Variants in OR4D1 observed in about 807,000 individuals in gnomAD.
The protein encoded by OR4D1 is olfactory receptor family 4 subfamily D member 1, also known as olfactory receptor 4D1.
In OR4D1, 10 loss-of-function variants were observed where a neutral mutation model predicts 14.2. That is an observed-to-expected ratio of 0.71 (90% CI 0.44 to 1.20). OR4D1 has a LOEUF of 1.20. OR4D1 is among the 50% of genes most tolerant of loss of function. OR4D1 has a pLI of 0.00. For missense variants in OR4D1, 345 were observed against 376.6 expected (o/e 0.92, Z 0.70); for synonymous variants, 141 against 147.4 (o/e 0.96, Z 0.32).
Position 58,157,918 on chromosome 17 carries a change from A to T in OR4D1, c.*1832A>T, listed in dbSNP as rs1967799494. ...CTGTTCTGCAAACCCTGAGTGCACC[A>T]CCCTAAGCGGCTAGGCCGGCAGGGC... On this transcript the variant is annotated 3_prime_UTR_variant, in exon 4 of 4. Coordinates refer to ENST00000268912, the MANE Select transcript of OR4D1 (RefSeq NM_001386095.1). 9.6e-7 allele frequency: 1 copy of T among 1,037,948 alleles called. No individual in the cohort carries two copies. The highest frequency in any genetic ancestry group is 1.5e-6 in the Non-Finnish European group (1 of 683,058). The allele number at this position is 1,037,948 out of a possible 1,614,324, so 64.3% of individuals were successfully genotyped here. A position where few individuals can be genotyped will look rare whatever the true frequency, so the allele number is the denominator to read the frequency against.
Position 58,157,100 on chromosome 17 carries a change from C to T in OR4D1, c.*1014C>T, listed in dbSNP as rs1354284615. The T allele has an allele frequency of 2.7e-6, 4 of 1,462,598 alleles. No individual in the cohort carries two copies. The highest frequency in any genetic ancestry group is 1.4e-5 in the African/African-American group (1 of 70,832). The allele number at this position is 1,462,598 out of a possible 1,614,324, so 90.6% of individuals were successfully genotyped here. ...CGGGGCCTGGGGACGCCGAGGCGGC[C>T]GCGGAGGAGCGCCGCGTCAAGGTCT... On this transcript the variant is annotated 3_prime_UTR_variant, in exon 4 of 4. Coordinates refer to ENST00000268912, the MANE Select transcript of OR4D1 (RefSeq NM_001386095.1).
Position 58,156,255 on chromosome 17 carries a change from T to G in OR4D1, c.*169T>G, listed in dbSNP as rs1285430615. 6.6e-6 allele frequency: 1 copy of G among 150,884 alleles called. No homozygotes were observed. The highest frequency in any genetic ancestry group is 1.4e-5 in the Non-Finnish European group (1 of 70,478). The allele number at this position is 150,884 out of a possible 1,614,324, so 9.3% of individuals were successfully genotyped here. A position where few individuals can be genotyped will look rare whatever the true frequency, so the allele number is the denominator to read the frequency against. On this transcript the variant is annotated 3_prime_UTR_variant, in exon 4 of 4. Transcript: ENST00000268912. ...GTTAAGCACTTCCACGCTTTTTTTC[T>G]TTTTTTTTTTTTTTAGATGGAGCCT... is the stretch of plus-strand genomic sequence containing the variant.
chr17:58,155,728 C>T lies in OR4D1; in HGVS notation c.575C>T (p.Thr192Ile). ...GTACTGAGACTTGCCTGCACTGATA[C>T]CTCCCTCCTGGAGTTCCTCATGATC... ...PQVLRLACTD[T>I]SLLEFLMISN... The change falls in exon 4 of 4, where the codon ACC (threonine) becomes ATC (isoleucine). Residue 192 changes from threonine to isoleucine, a missense_variant. By Grantham distance (89) the Thr-to-Ile change is moderately conservative. Coordinates refer to ENST00000268912, the MANE Select transcript of OR4D1 (RefSeq NM_001386095.1). The T allele has an allele frequency of 6.2e-7, 1 of 1,614,130 alleles. No homozygotes were observed. The highest frequency in any genetic ancestry group is 8.5e-7 in the Non-Finnish European group (1 of 1,179,990).
Position 58,157,052 on chromosome 17 carries a change from AGCGGTG to A in OR4D1, c.*972_*977del. On this transcript the variant is annotated 3_prime_UTR_variant, in exon 4 of 4. Coordinates refer to ENST00000268912, the MANE Select transcript of OR4D1 (RefSeq NM_001386095.1). ...TGTTTTCGTCCAATGAGAAGGGGCC[AGCGGTG>A]GCGGTCGGGCCAGGTCCGGGGCCTG... 2 of 1,232,098 alleles carry A rather than the reference AGCGGTG, an allele frequency of 1.6e-6. No individual in the cohort carries two copies. Among genetic ancestry groups the A allele is most frequent in the Non-Finnish European group, 2.3e-6 (2 of 882,812 alleles). The allele number at this position is 1,232,098 out of a possible 1,614,324, so 76.3% of individuals were successfully genotyped here. A position where few individuals can be genotyped will look rare whatever the true frequency, so the allele number is the denominator to read the frequency against.
rs1967814404 is a variant in OR4D1, at chr17:58,158,825, T to C, written c.*2739T>C. ...GATCCAGAAAGAAAAAAAATTATGC[T>C]TTCTCTGTGTGTGTACCTGCTGTAT... On this transcript the variant is annotated 3_prime_UTR_variant, in exon 4 of 4. Coordinates refer to ENST00000268912, the MANE Select transcript of OR4D1 (RefSeq NM_001386095.1). 6.6e-6 allele frequency: 1 copy of C among 152,452 alleles called. No individual in the cohort carries two copies. The highest frequency in any genetic ancestry group is 2.4e-5 in the African/African-American group (1 of 41,438). 9.4% of individuals were successfully genotyped at this position (152,452 alleles called of 1,614,324 possible).
Position 58,157,360 on chromosome 17 carries a change from T to A in OR4D1, c.*1274T>A. 7.1e-7 allele frequency: 1 copy of A among 1,404,702 alleles called. No homozygotes were observed. Among genetic ancestry groups the A allele is most frequent in the Non-Finnish European group, 9.8e-7 (1 of 1,024,392 alleles). 87.0% of individuals were successfully genotyped at this position (1,404,702 alleles called of 1,614,324 possible). Reference sequence around the variant, plus strand: ...AGCGGCGTGGATGCAGGAACCCTGCTGATAATTCGCCGCCGCCAAGACACG... The same window carrying A: ...AGCGGCGTGGATGCAGGAACCCTGCAGATAATTCGCCGCCGCCAAGACACG... On this transcript the variant is annotated 3_prime_UTR_variant, in exon 4 of 4. Transcript: ENST00000268912.
In OR4D1 at chr17:58,157,926, C is replaced by T. The variant is rs1431547348; in HGVS notation, c.*1840C>T. ...CAAACCCTGAGTGCACCACCCTAAG[C>T]GGCTAGGCCGGCAGGGCCACACGAC... On this transcript the variant is annotated 3_prime_UTR_variant, in exon 4 of 4. Transcript: ENST00000268912. 3 of 922,962 alleles carry T rather than the reference C, an allele frequency of 3.3e-6. No homozygotes were observed. Among genetic ancestry groups the T allele is most frequent in the East Asian group, 4.9e-5 (2 of 40,440 alleles). The allele number at this position is 922,962 out of a possible 1,614,324, so 57.2% of individuals were successfully genotyped here. A position where few individuals can be genotyped will look rare whatever the true frequency, so the allele number is the denominator to read the frequency against.
rs1326105332 is a variant in OR4D1 at position 58,156,782 on chromosome 17, A to G, written c.*696A>G. 5.1e-6 allele frequency: 1 copy of G among 195,118 alleles called. No individual in the cohort carries two copies. The highest frequency in any genetic ancestry group is 1.4e-4 in the East Asian group (1 of 7,102). The allele number at this position is 195,118 out of a possible 1,614,324, so 12.1% of individuals were successfully genotyped here. A position where few individuals can be genotyped will look rare whatever the true frequency, so the allele number is the denominator to read the frequency against. On this transcript the variant is annotated 3_prime_UTR_variant, in exon 4 of 4. Coordinates refer to ENST00000268912, the MANE Select transcript of OR4D1 (RefSeq NM_001386095.1). ...CTCAAGAGTTTCCTGCGACCACAAG[A>G]GAAAACCTAGAGAGGTCTTCGTCTA...
At position 58,155,855 on chromosome 17, in the gene OR4D1, G is replaced by A; in HGVS notation, c.702G>A (p.Arg234=). The change falls in exon 4 of 4, where the codon AGG becomes AGA. Residue 234 remains arginine (R), a synonymous_variant. Transcript: ENST00000268912. ...GGTCCCACTCGGGAAAGGCAAGGAGGAAGGCAGCTTCCACCTGCACCACCC... is the reference window on the plus strand; with the variant it reads ...GGTCCCACTCGGGAAAGGCAAGGAGAAAGGCAGCTTCCACCTGCACCACCC... The part of the protein sequence containing the change: ...MLRSHSGKAR[R]KAASTCTTHI... 6.2e-7 allele frequency: 1 copy of A among 1,614,152 alleles called. No individual in the cohort carries two copies.
chr17:58,155,604 G>C lies in OR4D1; in HGVS notation c.451G>C (p.Gly151Arg), dbSNP rs373613116. 22 of 1,613,982 alleles carry C rather than the reference G, an allele frequency of 1.4e-5. No homozygotes were observed. The African/African-American group carries it at 2.9e-4, about 22-fold the overall frequency. Residue 151 changes from glycine (G) to arginine (R), a missense_variant, in exon 4 of 4, where the codon GGG becomes CGG. Transcript: ENST00000268912. ...GGGCCTGGTAGTAGCCGCCTGGGTG[G>C]GGGGCTTTGTCCACTCCATTGTCCA... ...CVGLVVAAWV[G>R]GFVHSIVQLA...
Position 58,158,341 on chromosome 17 carries a change from G to A in OR4D1, c.*2255G>A, listed in dbSNP as rs1466574695. ...ATGCACATAGAAAGTATTAGATATG[G>A]AGAGGTTTTTCAAAGTGAAGGGGAC... On this transcript the variant is annotated 3_prime_UTR_variant, in exon 4 of 4. Coordinates refer to ENST00000268912, the MANE Select transcript of OR4D1 (RefSeq NM_001386095.1). 4 of 152,036 alleles carry A rather than the reference G, an allele frequency of 2.6e-5. No homozygotes were observed. Among genetic ancestry groups the A allele is most frequent in the Non-Finnish European group, 5.9e-5 (4 of 68,038 alleles). The allele number at this position is 152,036 out of a possible 1,614,324, so 9.4% of individuals were successfully genotyped here.
In OR4D1 at chr17:58,157,912, T is replaced by A; in HGVS notation, c.*1826T>A. The A allele has an allele frequency of 9.1e-7, 1 of 1,101,090 alleles. No individual in the cohort carries two copies. Among genetic ancestry groups the A allele is most frequent in the Non-Finnish European group, 1.4e-6 (1 of 733,754 alleles). 68.2% of individuals were successfully genotyped at this position (1,101,090 alleles called of 1,614,324 possible). On this transcript the variant is annotated 3_prime_UTR_variant, in exon 4 of 4. Coordinates refer to ENST00000268912, the MANE Select transcript of OR4D1 (RefSeq NM_001386095.1). ...ATACTCCTGTTCTGCAAACCCTGAG[T>A]GCACCACCCTAAGCGGCTAGGCCGG... is the stretch of plus-strand genomic sequence containing the variant.
rs1204649348 is a variant in OR4D1 at position 58,157,264 on chromosome 17, C to T, written c.*1178C>T. 10 of 1,472,912 alleles carry T rather than the reference C, an allele frequency of 6.8e-6. No individual in the cohort carries two copies. Among genetic ancestry groups the T allele is most frequent in the Non-Finnish European group, 9.0e-6 (10 of 1,114,872 alleles). The allele number at this position is 1,472,912 out of a possible 1,614,324, so 91.2% of individuals were successfully genotyped here. A position where few individuals can be genotyped will look rare whatever the true frequency, so the allele number is the denominator to read the frequency against. Reference sequence around the variant, plus strand: ...CTGCCGGGGCACGGCGCTCGGGAAGCGCACAGCCCCGGGCCGCTGATCAAG... The same window carrying T: ...CTGCCGGGGCACGGCGCTCGGGAAGTGCACAGCCCCGGGCCGCTGATCAAG... On this transcript the variant is annotated 3_prime_UTR_variant, in exon 4 of 4. Coordinates refer to ENST00000268912, the MANE Select transcript of OR4D1 (RefSeq NM_001386095.1).
rs1051496573 is a variant in OR4D1, at chr17:58,156,924, C to G, written c.*838C>G. ...CCCACTGTGGAATTTAGAAAGTTAT[C>G]TCGCCCTCCCTCCTCCCCCACAAAA... On this transcript the variant is annotated 3_prime_UTR_variant, in exon 4 of 4. Transcript: ENST00000268912. 13 of 619,450 alleles carry G rather than the reference C, an allele frequency of 2.1e-5. No individual in the cohort carries two copies. The Admixed American group carries it at 2.9e-4, about 14-fold the overall frequency. The allele number at this position is 619,450 out of a possible 1,614,324, so 38.4% of individuals were successfully genotyped here.
chr17:58,149,969 T>C (rs978809876), intron 2 of OR4D1, among the ~76,000 whole-genome samples, 173 bp downstream of exon 2: 10 of 152,210 alleles, frequency 6.6e-5, no homozygotes, highest in Non-Finnish European at 1.5e-4. Context: ...ACTATACTTA[T>C]AAACATGGGA....
At chr17:58,151,118 A>T (rs1231033541) in intron 2 of OR4D1, among the ~76,000 whole-genome samples, 1 of 152,080 alleles carries the variant, frequency 6.6e-6, no homozygotes, top group East Asian at 1.9e-4. Context: ...TTCCCTTTAT[A>T]TTTATACTAT....
At position 58,157,358 on chromosome 17, in the gene OR4D1, G is replaced by A; in HGVS notation, c.*1272G>A. ...GGAGCGGCGTGGATGCAGGAACCCT[G>A]CTGATAATTCGCCGCCGCCAAGACA... is the stretch of plus-strand genomic sequence containing the variant. On this transcript the variant is annotated 3_prime_UTR_variant, in exon 4 of 4. Transcript: ENST00000268912. 7.0e-7 allele frequency: 1 copy of A among 1,419,216 alleles called. No individual in the cohort carries two copies. Among genetic ancestry groups the A allele is most frequent in the South Asian group, 1.3e-5 (1 of 77,116 alleles). 87.9% of individuals were successfully genotyped at this position (1,419,216 alleles called of 1,614,324 possible).
intron 3 of OR4D1, among the ~76,000 whole-genome samples, chr17:58,154,266 C>CTTTTT (rs3030795): frequency 8.0e-5 from 11 of 137,382 alleles, no homozygotes; most frequent in African/African-American, 1.3e-4. Context: ...AGCCAACCCT[C>CTTTTT]TTTTTTTTTT....
At chr17:58,151,306 G>A (rs1967699920) in intron 2 of OR4D1, among the ~76,000 whole-genome samples, 1 of 152,098 alleles carries the variant, frequency 6.6e-6, no homozygotes, top group Admixed American at 6.5e-5. Flanking sequence ...GGATGTGCAG[G>A]TTTGTTACAT....
Sources: gnomAD v4.1 joint callset for allele counts (sites outside exome capture counted in the v4.1 genomes callset) on GRCh38, gnomAD v4.1.1 for gene constraint, MANE v1.5 for transcripts, NCBI Gene and HGNC (gene_info 2026-07-23, HGNC 2026-07-21) for gene names.